NDUFA3: variants seen among roughly 807,000 people sequenced by gnomAD.
NDUFA3 encodes NADH:ubiquinone oxidoreductase subunit A3, also known as NADH dehydrogenase [ubiquinone] 1 alpha subcomplex subunit 3.
In NDUFA3, 10 loss-of-function variants were observed where a neutral mutation model predicts 11.4. The observed-to-expected ratio is 0.87, with a 90% CI of 0.54 to 1.48. NDUFA3 has a LOEUF of 1.48. NDUFA3 is among the 40% of genes most tolerant of loss of function. The pLI, the probability that NDUFA3 is intolerant of heterozygous loss-of-function variation, is 0.00. For missense variants in NDUFA3, 115 were observed against 110.5 expected (o/e 1.04, Z -0.18); for synonymous variants, 39 against 46.9 (o/e 0.83, Z 0.68).
At chr19:54,103,660 A>G (rs929526484) in intron 2 of NDUFA3, among the ~76,000 whole-genome samples, 15 of 151,156 alleles carry the variant, frequency 9.9e-5, no homozygotes, top group Non-Finnish European at 2.1e-4. Context: ...TCCTGCAGGG[A>G]TGGGGGCGGG....
chr19:54,106,726 C>T, intron 3 of NDUFA3, 85 bp from the exon 4 acceptor site: 1 of 1,215,332 alleles, frequency 8.2e-7, no homozygotes, highest in South Asian at 1.6e-5. Flanking sequence ...CCCCTTCCCT[C>T]TCTGAACATA....
At chr19:54,103,286 C>A in intron 2 of NDUFA3, 98 bp downstream of exon 2, 1 of 1,270,680 alleles carries the variant, frequency 7.9e-7, no homozygotes, top group Non-Finnish European at 1.1e-6. Flanking sequence ...GCCCTCGGGT[C>A]CCCTCTAGTG....
chr19:54,103,330 C>A, intron 2 of NDUFA3, 142 bp downstream of exon 2: 1 of 833,734 alleles, frequency 1.2e-6, no homozygotes, highest in Non-Finnish European at 1.8e-6. Flanking sequence ...CTTATCTATC[C>A]CCATACCCAT....
chr19:54,103,183 G>T lies in NDUFA3; in HGVS notation c.80G>T (p.Gly27Val). ...CTGGTCGTGTCCTTCGTCGTCGGGG[G>T]CCTCGGTGCGTGAGTGCTCCAGGCG... ...PVLVVSFVVG[G>V]LAVILPPLSP... Residue 27 changes from glycine to valine, a missense_variant, in exon 2 of 4, where the codon GGC (glycine) becomes GTC (valine). Gly to Val is a moderately radical substitution (Grantham distance 109). Transcript: ENST00000485876. 2 of 1,596,482 alleles carry T rather than the reference G, an allele frequency of 1.3e-6. No individual in the cohort carries two copies. The highest frequency in any genetic ancestry group is 1.7e-6 in the Non-Finnish European group (2 of 1,168,536).
In NDUFA3 at chr19:54,105,918, CT is replaced by C. The variant is rs1228459554; in HGVS notation, c.86-15del. 1.2e-6 allele frequency: 2 copies of C among 1,603,628 alleles called. No homozygotes were observed. Among genetic ancestry groups the C allele is most frequent in the East Asian group, 2.2e-5 (1 of 44,804 alleles). On this transcript the variant is annotated splice_polypyrimidine_tract_variant and intron_variant, in intron 2 of 3. Coordinates refer to ENST00000485876, the MANE Select transcript of NDUFA3 (RefSeq NM_004542.4). ...AGCCACCTTCCCCTGGGCCTCACCC[CT>C]GTGTCTCTCCACAGCTGTAATTCTG... is the stretch of plus-strand genomic sequence containing the variant.
At chr19:54,106,083 G>A (rs1247940517) in intron 3 of NDUFA3, 72 bp downstream of exon 3, 2 of 1,445,642 alleles carry the variant, frequency 1.4e-6, no homozygotes, top group South Asian at 2.3e-5. Context: ...GCAGTTATGG[G>A]CAGGTCTTTC....
In NDUFA3 at chr19:54,107,201, G is replaced by A. The variant is rs1197054260; in HGVS notation, c.*299G>A. 6.3e-7 allele frequency: 1 copy of A among 1,582,840 alleles called. No individual in the cohort carries two copies. ...GAGATAAGGAACAAGGTGTTAACAGGCCTGGGAATCTAGAAAATCCCATCA... is the reference window on the plus strand; with the variant it reads ...GAGATAAGGAACAAGGTGTTAACAGACCTGGGAATCTAGAAAATCCCATCA... On this transcript the variant is annotated 3_prime_UTR_variant, in exon 4 of 4. Coordinates refer to ENST00000485876, the MANE Select transcript of NDUFA3 (RefSeq NM_004542.4).
In NDUFA3 at chr19:54,102,899, G is replaced by C. The variant is rs2073128820; in HGVS notation, c.10+11G>C. ...CAAAGATGGCTGCGAGTAAGTGCAG[G>C]TGCCGGTGGCGCACGGGGCTCGGGT... is the stretch of plus-strand genomic sequence containing the variant. On this transcript the variant is annotated intron_variant, in intron 1 of 3. Coordinates refer to ENST00000485876, the MANE Select transcript of NDUFA3 (RefSeq NM_004542.4). 3 of 1,610,142 alleles carry C rather than the reference G, an allele frequency of 1.9e-6. No individual in the cohort carries two copies. Among genetic ancestry groups the C allele is most frequent in the Non-Finnish European group, 2.5e-6 (3 of 1,177,816 alleles).
intron 3 of NDUFA3, 70 bp from the exon 4 acceptor site, chr19:54,106,741 G>A (rs748417560): frequency 5.4e-5 from 73 of 1,341,916 alleles, no homozygotes; most frequent in South Asian, 1.9e-4. Flanking sequence ...AACATAAAGC[G>A]ACAGACCAGC....
chr19:54,107,539 G>A lies in NDUFA3; in HGVS notation c.*637G>A, dbSNP rs2073306455. On this transcript the variant is annotated 3_prime_UTR_variant, in exon 4 of 4. Transcript: ENST00000485876. ...GCCGGGATTACAGGCATGAGCCACT[G>A]CACCTGGCCAGCCTCACAGTTCTTG... is the stretch of plus-strand genomic sequence containing the variant. 1.7e-5 allele frequency: 5 copies of A among 299,630 alleles called. 1 individual carries two copies. In the South Asian group the frequency reaches 2.4e-4, roughly 14 times the overall value. The allele number at this position is 299,630 out of a possible 1,614,324, so 18.6% of individuals were successfully genotyped here. A position where few individuals can be genotyped will look rare whatever the true frequency, so the allele number is the denominator to read the frequency against.
intron 2 of NDUFA3, among the ~76,000 whole-genome samples, chr19:54,104,510 C>T (rs1161742435): frequency 3.3e-5 from 5 of 152,138 alleles, no homozygotes; most frequent in Admixed American, 3.3e-4. Flanking sequence ...CTTGTCAGTA[C>T]TGCTGGTCCA....
rs760925055 is a variant in NDUFA3, at chr19:54,106,105, T to C, written c.163+94T>C. The C allele has an allele frequency of 8.8e-6, 11 of 1,247,756 alleles. No individual in the cohort carries two copies. In the African/African-American group the frequency reaches 1.0e-4, roughly 12 times the overall value. 77.3% of individuals were successfully genotyped at this position (1,247,756 alleles called of 1,614,324 possible). ...TGGGCAGGTCTTTCCTAAGCAGTTA[T>C]CAGAGATTCTGCAGTGGTGCCCGGA... On this transcript the variant is annotated intron_variant, in intron 3 of 3. Coordinates refer to ENST00000485876, the MANE Select transcript of NDUFA3 (RefSeq NM_004542.4).
In NDUFA3 at chr19:54,106,016, G is replaced by A; in HGVS notation, c.163+5G>A. On this transcript the variant is annotated splice_donor_5th_base_variant and intron_variant, in intron 3 of 3. Coordinates refer to ENST00000485876, the MANE Select transcript of NDUFA3 (RefSeq NM_004542.4). ...CCACGCCCTACAACTACCCAGGTGA[G>A]TGGGGGCCAGGCAGGGATCCCCGGA... 1 of 1,611,074 alleles carries A rather than the reference G, an allele frequency of 6.2e-7. No individual in the cohort carries two copies. Among genetic ancestry groups the A allele is most frequent in the African/African-American group, 1.3e-5 (1 of 74,970 alleles).
At position 54,105,991 on chromosome 19, in the gene NDUFA3, C is replaced by A; in HGVS notation, c.143C>A (p.Ala48Asp). The change falls in exon 3 of 4, where the codon GCC becomes GAC. Residue 48 changes from alanine (A) to aspartate (D), a missense_variant. By Grantham distance (126) the Ala-to-Asp change is moderately radical (BLOSUM62 -2). Coordinates refer to ENST00000485876, the MANE Select transcript of NDUFA3 (RefSeq NM_004542.4). The stretch of plus-strand genomic sequence containing the variant: ...AAGTACTCCGTCATGATCAACAAGG[C>A]CACGCCCTACAACTACCCAGGTGAG... ...YFKYSVMINK[A>D]TPYNYPVPVR... 6.2e-7 allele frequency: 1 copy of A among 1,613,706 alleles called. No individual in the cohort carries two copies. The highest frequency in any genetic ancestry group is 8.5e-7 in the Non-Finnish European group (1 of 1,179,650).
intron 1 of NDUFA3, 71 bp downstream of exon 1, chr19:54,102,959 G>T (rs1600274556): frequency 6.3e-7 from 1 of 1,579,002 alleles, no homozygotes; most frequent in East Asian, 2.3e-5. Flanking sequence ...CTGGGACTGA[G>T]GTGCGGCAGG....
At chr19:54,104,016 A>G (rs984146319) in intron 2 of NDUFA3, among the ~76,000 whole-genome samples, 2 of 149,826 alleles carry the variant, frequency 1.3e-5, no homozygotes, top group African/African-American at 2.5e-5. Flanking sequence ...TGTATGTTCA[A>G]TAGAGACGGG....
At chr19:54,103,391 G>C (rs949469732) in intron 2 of NDUFA3, among the ~76,000 whole-genome samples, 2 of 151,704 alleles carry the variant, frequency 1.3e-5, no homozygotes, top group Non-Finnish European at 2.9e-5. Context: ...TACCCAATAC[G>C]CTCTTAACCC....
rs139073279 is a variant in NDUFA3 at position 54,107,144 on chromosome 19, A to G, written c.*242A>G. 1.8e-5 allele frequency: 29 copies of G among 1,613,774 alleles called. No individual in the cohort carries two copies. In the African/African-American group the frequency reaches 3.3e-4, roughly 19 times the overall value. ...GGAATCCAGGGCCTCATCTGCTTCA[A>G]AGCCAAAGTCTTCCTCAACCTTAAT... On this transcript the variant is annotated 3_prime_UTR_variant, in exon 4 of 4. Coordinates refer to ENST00000485876, the MANE Select transcript of NDUFA3 (RefSeq NM_004542.4).
At chr19:54,103,248 C>T (rs951194072) in intron 2 of NDUFA3, 60 bp downstream of exon 2, 8 of 1,498,688 alleles carry the variant, frequency 5.3e-6, no homozygotes, top group Non-Finnish European at 7.2e-6. Flanking sequence ...TACATCCCTC[C>T]ATCTTGTACC....
Sources: allele counts gnomAD v4.1 joint callset (sites outside exome capture counted in the v4.1 genomes callset), GRCh38; gene constraint gnomAD v4.1.1; transcripts MANE v1.5; gene names NCBI Gene and HGNC (gene_info 2026-07-23, HGNC 2026-07-21).